The following DMXL2 variants were observed in gnomAD, a reference collection of about 807,000 sequenced individuals.
The protein encoded by DMXL2 is dmX-like protein 2.
DMXL2 carries 103 observed loss-of-function variants against 331.1 expected under a neutral mutation model. The observed-to-expected ratio is 0.31, with a 90% confidence interval of 0.27 to 0.37. The LOEUF is 0.37. DMXL2 is among the 10% of genes least tolerant of loss of function. The probability of loss-of-function intolerance (pLI) is 1.00; values close to 1 mark genes in which losing one functional copy is unlikely to be tolerated. For synonymous variants in DMXL2, 1,281 were observed against 1,252.1 expected (o/e 1.02, Z -0.49); for missense variants, 3,171 against 3,642.9 (o/e 0.87, Z 3.33).
intron 1 of DMXL2, among the ~76,000 whole-genome samples, chr15:51,622,173 C>T (rs1391308179): frequency 1.3e-5 from 2 of 152,188 alleles, no homozygotes; most frequent in East Asian, 3.9e-4. Context: ...AAGGGCCGCC[C>T]TAGGAGGAGC....
intron 1 of DMXL2, among the ~76,000 whole-genome samples, chr15:51,590,601 T>C (rs1423431242): frequency 6.6e-6 from 1 of 152,084 alleles, no homozygotes; most frequent in Non-Finnish European, 1.5e-5. Flanking sequence ...TCTCAATATG[T>C]TAGTTGGACT....
chr15:51,515,916 A>C (rs761426231), intron 14 of DMXL2, among the ~76,000 whole-genome samples: 1 of 152,132 alleles, frequency 6.6e-6, no homozygotes, highest in Non-Finnish European at 1.5e-5. Context: ...TCACAGGCTG[A>C]ATCTGAAGAA....
intron 1 of DMXL2, among the ~76,000 whole-genome samples, chr15:51,592,562 G>C (rs1008548767): frequency 3.9e-5 from 6 of 152,156 alleles, no homozygotes; most frequent in Non-Finnish European, 8.8e-5. Flanking sequence ...AGGAAATACA[G>C]AGAACGCCAC....
chr15:51,484,626 A>G (rs1218915462), intron 23 of DMXL2, among the ~76,000 whole-genome samples: 2 of 152,204 alleles, frequency 1.3e-5, no homozygotes, highest in Non-Finnish European at 2.9e-5. Context: ...GATACATAGA[A>G]ATCAATGTAG....
At chr15:51,547,461 A>C (rs1470975690) in intron 6 of DMXL2, 53 bp from the exon 7 acceptor site, 17 of 1,329,400 alleles carry the variant, frequency 1.3e-5, no homozygotes, top group Admixed American at 8.2e-5. Context: ...ACAATTCAAA[A>C]TTTAAGTGGT....
intron 3 of DMXL2, among the ~76,000 whole-genome samples, chr15:51,565,383 C>CTCAAG (rs1567125373): frequency 6.6e-6 from 1 of 152,114 alleles, no homozygotes; most frequent in African/African-American, 2.4e-5. Context: ...CCTTGCCATG[C>CTCAAG]CCAAACAAAG....
chr15:51,548,819 G>A (rs959790332), intron 6 of DMXL2, among the ~76,000 whole-genome samples: 1 of 151,912 alleles, frequency 6.6e-6, no homozygotes, highest in Admixed American at 6.6e-5. Context: ...AATTACAGGG[G>A]AAATTTTAAA....
At position 51,499,165 on chromosome 15, in the gene DMXL2, T is replaced by C. The variant is rs1394339356; in HGVS notation, c.4059A>G (p.Leu1353=). The change falls in exon 18 of 44, where the codon TTA becomes TTG. Residue 1353 remains leucine, a synonymous_variant. Transcript: ENST00000560891. ...TLPQYHPTQL[L]ELMDLGKVRR... is the part of the protein sequence containing the mutation. Reference sequence around the variant, plus strand: ...GCACTTTCCCTAAATCCATCAATTCTAACAGCTGAGTTGGATGATATTGTG... The same window carrying C: ...GCACTTTCCCTAAATCCATCAATTCCAACAGCTGAGTTGGATGATATTGTG... The C allele has an allele frequency of 6.2e-7, 1 of 1,614,060 alleles. No individual in the cohort carries two copies. Among genetic ancestry groups the C allele is most frequent in the East Asian group, 2.2e-5 (1 of 44,874 alleles).
chr15:51,454,307 C>CAG (rs1417508545), intron 40 of DMXL2, among the ~76,000 whole-genome samples: 5 of 152,188 alleles, frequency 3.3e-5, no homozygotes, highest in Admixed American at 6.5e-5. Context: ...AAGTTTCACA[C>CAG]AGGACAGCAT....
At chr15:51,608,475 C>A (rs1394884776) in intron 1 of DMXL2, among the ~76,000 whole-genome samples, 1 of 152,116 alleles carries the variant, frequency 6.6e-6, no homozygotes, top group Non-Finnish European at 1.5e-5. Context: ...AGGCCATTAT[C>A]CTAAGTAAAC....
At chr15:51,607,739 AT>A (rs530621866) in intron 1 of DMXL2, among the ~76,000 whole-genome samples, 11 of 152,362 alleles carry the variant, frequency 7.2e-5, no homozygotes, top group African/African-American at 2.6e-4. Flanking sequence ...AGAGAAAAAA[AT>A]ATATAACTTT....
At chr15:51,466,003 T>C (rs1416074877) in intron 30 of DMXL2, among the ~76,000 whole-genome samples, 181 bp downstream of exon 30, 1 of 152,218 alleles carries the variant, frequency 6.6e-6, no homozygotes, top group Non-Finnish European at 1.5e-5. Context: ...AGCTAGTCTT[T>C]GGAGGTGGAG....
Position 51,471,301 on chromosome 15 carries a change from CGGT to C in DMXL2, c.7311_7313del (p.Pro2438del). 1 of 1,613,874 alleles carries C rather than the reference CGGT, an allele frequency of 6.2e-7. No homozygotes were observed. The highest frequency in any genetic ancestry group is 1.1e-5 in the South Asian group (1 of 91,040). On this transcript the variant is annotated inframe_deletion, in exon 29 of 44. Coordinates refer to ENST00000560891, the MANE Select transcript of DMXL2 (RefSeq NM_001378457.1). ...TGTAAGATGGTCTTTCTGCAGGCAC[CGGT>C]GGTGGGGTAGCATCTTTTACAGGCC... is the stretch of plus-strand genomic sequence containing the variant.
chr15:51,488,184 T>C, intron 21 of DMXL2, 65 bp from the exon 22 acceptor site: 1 of 1,361,510 alleles, frequency 7.3e-7, no homozygotes, highest in Non-Finnish European at 9.8e-7. Flanking sequence ...GAATGTATAA[T>C]AATATAAAAT....
At chr15:51,460,837 CCT>C (rs2040047221) in intron 33 of DMXL2, among the ~76,000 whole-genome samples, 1 of 152,016 alleles carries the variant, frequency 6.6e-6, no homozygotes, top group Non-Finnish European at 1.5e-5. Flanking sequence ...TAATAAAACA[CCT>C]TTTTTTTCAG....
At chr15:51,603,305 C>T (rs777713832) in intron 1 of DMXL2, among the ~76,000 whole-genome samples, 3 of 152,128 alleles carry the variant, frequency 2.0e-5, no homozygotes, top group African/African-American at 2.4e-5. Flanking sequence ...AGTATAATAA[C>T]GAAATGCCAC....
At chr15:51,540,794 A>T (rs543413515) in intron 9 of DMXL2, among the ~76,000 whole-genome samples, 9 of 152,300 alleles carry the variant, frequency 5.9e-5, no homozygotes, top group Non-Finnish European at 1.0e-4. Flanking sequence ...AATAATATGT[A>T]GGTAAGTTAG....
At chr15:51,504,902 G>A (rs1214929721) in intron 16 of DMXL2, among the ~76,000 whole-genome samples, 1 of 152,094 alleles carries the variant, frequency 6.6e-6, no homozygotes, top group African/African-American at 2.4e-5. Context: ...TATATCTCAT[G>A]CTAAGAAAGA....
At position 51,457,717 on chromosome 15, in the gene DMXL2, T is replaced by C. The variant is rs187079635; in HGVS notation, c.8199-251A>G. The C allele has an allele frequency of 3.5e-4, 135 of 384,014 alleles. No homozygotes were observed. The East Asian group carries it at 6.0e-3, about 17-fold the overall frequency. The allele number at this position is 384,014 out of a possible 1,614,324, so 23.8% of individuals were successfully genotyped here. On this transcript the variant is annotated intron_variant, in intron 36 of 43. Transcript: ENST00000560891. The stretch of plus-strand genomic sequence containing the variant: ...TTGCTGCACAAGTTGAAACAAAAGT[T>C]TGTTGTTATCTATGGAAAAATATTA...
Sources: gnomAD v4.1 joint callset for allele counts (sites outside exome capture counted in the v4.1 genomes callset) on GRCh38, gnomAD v4.1.1 for gene constraint, MANE v1.5 for transcripts, NCBI Gene and HGNC (gene_info 2026-07-23, HGNC 2026-07-21) for gene names.